Variants in GYPB observed in about 807,000 individuals in gnomAD.
GYPB encodes the protein glycophorin B (MNS blood group), also known as glycophorin-B.
GYPB carries 13 observed loss-of-function variants against 15.3 expected under a neutral mutation model. That is an observed-to-expected ratio of 0.85 (90% CI 0.55 to 1.35). The LOEUF (loss-of-function observed/expected upper bound fraction) is 1.35, where lower values mean the gene tolerates loss of function less well. Ranked by LOEUF, GYPB falls within the 40% of genes most tolerant of loss-of-function variation. The probability of loss-of-function intolerance (pLI) is 0.00; values close to 1 mark genes in which losing one functional copy is unlikely to be tolerated. For synonymous variants in GYPB, 38 were observed against 36.9 expected (o/e 1.03, Z -0.11); for missense variants, 131 against 108.3 (o/e 1.21, Z -0.93).
At chr4:144,015,735 A>G (rs1728452990) in intron 1 of GYPB, among the ~76,000 whole-genome samples, 1 of 151,268 alleles carries the variant, frequency 6.6e-6, no homozygotes, top group Admixed American at 6.6e-5. Context: ...TAAAAACCCT[A>G]TTTCACACCA....
chr4:143,996,320 A>G lies in GYPB; in HGVS notation c.271-16T>C, dbSNP rs1356212369. The G allele has an allele frequency of 1.3e-6, 2 of 1,550,320 alleles. No individual in the cohort carries two copies. Among genetic ancestry groups the G allele is most frequent in the African/African-American group, 1.4e-5 (1 of 71,806 alleles). Reference sequence around the variant, plus strand: ...ATCCTCATGCCTGTGATAAAAAGACAAGAAGTTTCCACTTCAGCCTCTGCT... The same window carrying G: ...ATCCTCATGCCTGTGATAAAAAGACGAGAAGTTTCCACTTCAGCCTCTGCT... On this transcript the variant is annotated splice_polypyrimidine_tract_variant and intron_variant, in intron 4 of 4. Coordinates refer to ENST00000502664, the MANE Select transcript of GYPB (RefSeq NM_002100.6).
chr4:144,018,290 C>G (rs1020667802), intron 1 of GYPB, among the ~76,000 whole-genome samples: 1 of 151,210 alleles, frequency 6.6e-6, no homozygotes, highest in African/African-American at 2.5e-5. Flanking sequence ...AGATTTGAAC[C>G]CAGTTCTGTC....
chr4:144,004,574 C>G (rs1727796320), intron 1 of GYPB, among the ~76,000 whole-genome samples: 1 of 149,546 alleles, frequency 6.7e-6, no homozygotes, highest in Non-Finnish European at 1.5e-5. Flanking sequence ...TCATCAATAC[C>G]TTCAAATTAA....
At position 144,017,088 on chromosome 4, in the gene GYPB, C is replaced by T. The variant is rs566030061; in HGVS notation, c.37+2163G>A. Reference sequence around the variant, plus strand: ...ATTCCCTCCCACCATCCACTGCTCCCACCCTCCGTGTATCCTCCATGGGAG... The same window carrying T: ...ATTCCCTCCCACCATCCACTGCTCCTACCCTCCGTGTATCCTCCATGGGAG... On this transcript the variant is annotated intron_variant, in intron 1 of 4. Coordinates refer to ENST00000502664, the MANE Select transcript of GYPB (RefSeq NM_002100.6). 1.1e-3 allele frequency among the ~76,000 whole-genome samples: 165 copies of T among 150,794 alleles called. 2 individuals are homozygous for T. Among genetic ancestry groups the T allele is most frequent in the Middle Eastern group, 3.4e-3 (1 of 294 alleles).
chr4:144,004,153 A>C (rs1348774018), intron 1 of GYPB, among the ~76,000 whole-genome samples: 3 of 151,864 alleles, frequency 2.0e-5, no homozygotes, highest in Non-Finnish European at 4.4e-5. Context: ...CACCAGAATC[A>C]GTTGCTCTGA....
At chr4:144,008,743 C>T (rs1438570302) in intron 1 of GYPB, among the ~76,000 whole-genome samples, 2 of 151,402 alleles carry the variant, frequency 1.3e-5, no homozygotes, top group African/African-American at 4.9e-5. Flanking sequence ...GTTCTCACAC[C>T]ACTGGTACTT....
At position 143,997,971 on chromosome 4, in the gene GYPB, AC is replaced by A. The variant is rs747115461; in HGVS notation, c.176-338del. Among the ~76,000 whole-genome samples the A allele has an allele frequency of 1.3e-3, 199 of 151,372 alleles. 4 individuals carry two copies. The highest frequency in any genetic ancestry group is 1.8e-3 in the African/African-American group (75 of 40,688). On this transcript the variant is annotated intron_variant, in intron 3 of 4. Coordinates refer to ENST00000502664, the MANE Select transcript of GYPB (RefSeq NM_002100.6). ...GTTCTCCTCAGATATGGGGAAAAAA[AC>A]CCACAAATTCTCCCATAGTTTGGAA...
At chr4:144,015,089 C>T (rs1728421396) in intron 1 of GYPB, among the ~76,000 whole-genome samples, 1 of 151,294 alleles carries the variant, frequency 6.6e-6, no homozygotes, top group Admixed American at 6.6e-5. Context: ...AGTCTATGAC[C>T]AACGTACAAA....
chr4:144,002,630 G>A (rs1302868515), intron 1 of GYPB: 8 of 1,286,272 alleles, frequency 6.2e-6, no homozygotes, highest in Non-Finnish European at 8.1e-6. Flanking sequence ...GCAGTGGAGT[G>A]GAGGTGGAAG....
chr4:144,002,198 A>G (rs1316721264), intron 1 of GYPB, among the ~76,000 whole-genome samples: 2 of 151,392 alleles, frequency 1.3e-5, no homozygotes, highest in Non-Finnish European at 2.9e-5. Context: ...GGGAACTACA[A>G]GAAAGCACAA....
At chr4:144,019,201 A>G (rs374388231) in intron 1 of GYPB, 50 bp downstream of exon 1, 13 of 1,608,436 alleles carry the variant, frequency 8.1e-6, no homozygotes, top group African/African-American at 6.8e-5. Context: ...ATTTTATTCT[A>G]TGATCTCATA....
intron 1 of GYPB, chr4:144,002,636 G>T (rs1560707165): frequency 7.0e-6 from 9 of 1,286,154 alleles, no homozygotes; most frequent in Non-Finnish European, 9.1e-6. Flanking sequence ...GAGTGGAGGT[G>T]GAAGGGCTTC....
At chr4:144,015,637 A>G (rs1327331756) in intron 1 of GYPB, among the ~76,000 whole-genome samples, 1 of 151,586 alleles carries the variant, frequency 6.6e-6, no homozygotes, top group African/African-American at 2.4e-5. Context: ...TAAAATCACT[A>G]CGAAGTAAGT....
intron 1 of GYPB, chr4:144,002,705 C>A: frequency 7.8e-7 from 1 of 1,286,312 alleles, no homozygotes. Flanking sequence ...CTGGAGAGCA[C>A]ACAAATAACA....
intron 1 of GYPB, among the ~76,000 whole-genome samples, chr4:144,015,426 C>CAT (rs1422875372): frequency 6.6e-6 from 1 of 151,124 alleles, no homozygotes. Context: ...TTGTCAGCAC[C>CAT]ATATAAGTAT....
chr4:144,017,029 T>G (rs1431645388), intron 1 of GYPB: 2 of 351,306 alleles, frequency 5.7e-6, no homozygotes, highest in Non-Finnish European at 1.1e-5. Flanking sequence ...TATCTTATTT[T>G]AATAAGATAG....
chr4:144,001,061 T>G, intron 2 of GYPB, 124 bp downstream of exon 2: 1 of 1,496,580 alleles, frequency 6.7e-7, no homozygotes, highest in Non-Finnish European at 9.1e-7. Context: ...TAGTAGGCTG[T>G]GTCTACTTAG....
At chr4:144,010,579 T>C (rs1304606322) in intron 1 of GYPB, among the ~76,000 whole-genome samples, 7 of 151,408 alleles carry the variant, frequency 4.6e-5, no homozygotes, top group Admixed American at 2.6e-4. Context: ...TGTGTGTGAG[T>C]CTGTGTGCTG....
At chr4:144,002,731 G>C (rs193175794) in intron 1 of GYPB, 1 of 1,276,490 alleles carries the variant, frequency 7.8e-7, no homozygotes, top group Non-Finnish European at 1.0e-6. Flanking sequence ...CATCTTCTCT[G>C]ACACCTCTCA....
Sources: allele counts gnomAD v4.1 joint callset (sites outside exome capture counted in the v4.1 genomes callset), GRCh38; gene constraint gnomAD v4.1.1; transcripts MANE v1.5; gene names NCBI Gene and HGNC (gene_info 2026-07-23, HGNC 2026-07-21).